HOOK3: variants seen among roughly 807,000 people sequenced by gnomAD.
The protein encoded by HOOK3 is protein Hook homolog 3.
Under a neutral mutation model 116.3 loss-of-function variants are expected in HOOK3, and 24 were observed. That is an observed-to-expected ratio of 0.21 (90% confidence interval 0.15 to 0.29). The LOEUF (loss-of-function observed/expected upper bound fraction) is 0.29, where lower values mean the gene tolerates loss of function less well. Ranked by LOEUF, HOOK3 falls within the 10% of genes least tolerant of loss-of-function variation. The pLI is 1.00. For missense variants in HOOK3, 632 were observed against 830.2 expected, an observed-to-expected ratio of 0.76 and a Z score of 2.93; for synonymous variants, 275 against 283.0, an observed-to-expected ratio of 0.97 and a Z score of 0.28.
chr8:42,934,507 A>G (rs951618137), intron 4 of HOOK3, among the ~76,000 whole-genome samples: 1 of 152,018 alleles, frequency 6.6e-6, no homozygotes. Context: ...CCCATCATCT[A>G]TATTAGGTAT....
intron 8 of HOOK3, among the ~76,000 whole-genome samples, chr8:42,962,670 G>A (rs1247563397): frequency 6.6e-6 from 1 of 151,992 alleles, no homozygotes; most frequent in South Asian, 2.1e-4. Flanking sequence ...CTCCCAAAGT[G>A]CTAGGATTAC....
intron 6 of HOOK3, among the ~76,000 whole-genome samples, chr8:42,955,743 GA>G (rs144107019): frequency 1.3e-3 from 195 of 152,262 alleles, no homozygotes; most frequent in African/African-American, 4.5e-3. Context: ...TCCTGATGTT[GA>G]GGAACAGATA....
At position 42,925,447 on chromosome 8, in the gene HOOK3, A is replaced by G. The variant is rs1008108141; in HGVS notation, c.144-110A>G. Reference sequence around the variant, plus strand: ...GTTATTTCGTGGCTGATATGTGTCAAATACATTTTTATGTTGCAGTTAAGT... The same window carrying G: ...GTTATTTCGTGGCTGATATGTGTCAGATACATTTTTATGTTGCAGTTAAGT... On this transcript the variant is annotated intron_variant, in intron 2 of 21. Coordinates refer to ENST00000307602, the MANE Select transcript of HOOK3 (RefSeq NM_032410.4). The G allele has an allele frequency of 5.6e-6, 4 of 718,838 alleles. No homozygotes were observed. The South Asian group carries it at 7.6e-5, about 14-fold the overall frequency. The allele number at this position is 718,838 out of a possible 1,614,324, so 44.5% of individuals were successfully genotyped here.
At chr8:42,987,267 C>T (rs1366835300) in intron 15 of HOOK3, among the ~76,000 whole-genome samples, 1 of 152,216 alleles carries the variant, frequency 6.6e-6, no homozygotes, top group Admixed American at 6.5e-5. Context: ...GAATCCGTTT[C>T]TCCACTTTTG....
chr8:42,941,460 G>A (rs1002150426), intron 4 of HOOK3, among the ~76,000 whole-genome samples: 2 of 147,236 alleles, frequency 1.4e-5, no homozygotes, highest in Non-Finnish European at 3.0e-5. Context: ...AGAGGTTGCA[G>A]TGAGCCAAGG....
intron 2 of HOOK3, among the ~76,000 whole-genome samples, chr8:42,924,959 G>A (rs1262836826): frequency 6.6e-6 from 1 of 151,748 alleles, no homozygotes; most frequent in African/African-American, 2.4e-5. Context: ...CCTGAGTGAC[G>A]GAGCGAGACT....
chr8:42,927,078 C>T (rs935767674), intron 3 of HOOK3, among the ~76,000 whole-genome samples: 3 of 152,096 alleles, frequency 2.0e-5, no homozygotes, highest in African/African-American at 4.8e-5. Flanking sequence ...TTTAACCATG[C>T]GAGGCCCCTG....
chr8:43,022,103 A>AC lies in HOOK3; in HGVS notation c.*3605_*3606insC, dbSNP rs144528230. ...GCTGTTGTAAAAAAAAAAAAAAAAA[A>AC]AACTTCTGAATATACTTTAGGTATC... On this transcript the variant is annotated 3_prime_UTR_variant, in exon 22 of 22. Coordinates refer to ENST00000307602, the MANE Select transcript of HOOK3 (RefSeq NM_032410.4). The AC allele has an allele frequency of 1.5e-5, 3 of 201,592 alleles. No homozygotes were observed. The highest frequency in any genetic ancestry group is 1.9e-4 in the South Asian group (1 of 5,286). The allele number at this position is 201,592 out of a possible 1,614,324, so 12.5% of individuals were successfully genotyped here.
At chr8:42,982,386 T>C (rs1338875436) in intron 13 of HOOK3, among the ~76,000 whole-genome samples, 10 of 150,220 alleles carry the variant, frequency 6.7e-5, no homozygotes, top group Admixed American at 6.6e-4. Flanking sequence ...GTTTTGAAAA[T>C]AGGTAGTAGT....
Position 42,898,788 on chromosome 8 carries a change from A to T in HOOK3, c.57+1600A>T, listed in dbSNP as rs6999772. 5.3e-3 allele frequency among the ~76,000 whole-genome samples: 813 copies of T among 152,348 alleles called. 13 individuals carry two copies. The highest frequency in any genetic ancestry group is 0.019 in the African/African-American group (774 of 41,578). ...GTTACATCCCGGTAAACCCATCATA[A>T]GTTGAAAATACCGTAAGTTGAAAAT... On this transcript the variant is annotated intron_variant, in intron 1 of 21. Transcript: ENST00000307602.
At chr8:42,931,735 CCTTCCCT>C (rs1385986133) in intron 4 of HOOK3, among the ~76,000 whole-genome samples, 11 of 151,522 alleles carry the variant, frequency 7.3e-5, no homozygotes, top group South Asian at 4.2e-4. Flanking sequence ...CCTTCCCTTC[CCTTCCCT>C]CTTCCCTCTT....
chr8:42,991,618 T>A (rs1464096732), intron 15 of HOOK3, among the ~76,000 whole-genome samples: 1 of 152,128 alleles, frequency 6.6e-6, no homozygotes, highest in East Asian at 1.9e-4. Flanking sequence ...GCTGGGCTGG[T>A]CTCGAACTCC....
At chr8:42,948,685 C>T (rs987351524) in intron 5 of HOOK3, among the ~76,000 whole-genome samples, 2 of 152,186 alleles carry the variant, frequency 1.3e-5, no homozygotes, top group African/African-American at 4.8e-5. Flanking sequence ...TCTCCATAGC[C>T]TTTGAATTCT....
intron 5 of HOOK3, among the ~76,000 whole-genome samples, chr8:42,948,949 CTTAA>C: frequency 6.6e-6 from 1 of 152,182 alleles, no homozygotes; most frequent in Admixed American, 6.6e-5. Flanking sequence ...GCAATACTTC[CTTAA>C]AAACATGTTT....
chr8:42,961,789 T>A (rs1808538160), intron 8 of HOOK3, among the ~76,000 whole-genome samples: 1 of 152,136 alleles, frequency 6.6e-6, no homozygotes, highest in Non-Finnish European at 1.5e-5. Context: ...CATGTTTATG[T>A]TTTGTTTTGT....
intron 6 of HOOK3, among the ~76,000 whole-genome samples, chr8:42,955,623 A>G (rs1388030433): frequency 1.3e-5 from 2 of 152,198 alleles, no homozygotes; most frequent in Non-Finnish European, 2.9e-5. Context: ...CAGGCAGGCA[A>G]AATCAACTGC....
chr8:42,996,924 G>GTTTT (rs1262763525), intron 15 of HOOK3, among the ~76,000 whole-genome samples: 1 of 118,128 alleles, frequency 8.5e-6, no homozygotes, highest in African/African-American at 3.3e-5. Context: ...TTTTTTTTTG[G>GTTTT]GAGGCAGGGT....
intron 18 of HOOK3, 81 bp downstream of exon 18, chr8:43,008,010 A>G: frequency 1.7e-6 from 1 of 600,052 alleles, no homozygotes; most frequent in Non-Finnish European, 2.7e-6. Flanking sequence ...ATAATTTTTA[A>G]TTATTTATTT....
In HOOK3 at chr8:43,013,132, G is replaced by C. The variant is rs1196457948; in HGVS notation, c.1921G>C (p.Asp641His). The C allele has an allele frequency of 6.2e-7, 1 of 1,610,226 alleles. No individual in the cohort carries two copies. Among genetic ancestry groups the C allele is most frequent in the Non-Finnish European group, 8.5e-7 (1 of 1,176,678 alleles). Residue 641 changes from aspartate (D) to histidine (H), a missense_variant, in exon 20 of 22, where the codon GAC (aspartate) becomes CAC (histidine). By Grantham distance (81) the Asp-to-His change is moderately conservative (BLOSUM62 -1). Coordinates refer to ENST00000307602, the MANE Select transcript of HOOK3 (RefSeq NM_032410.4). ...QALKNQLQER[D>H]RLFHSLEKEY... ...TCTTAAAAATCAGCTCCAGGAACGA[G>C]ACCGACTGTTCCACTCATTAGAGGT...
Sources: allele counts gnomAD v4.1 joint callset (sites outside exome capture counted in the v4.1 genomes callset), GRCh38; gene constraint gnomAD v4.1.1; transcripts MANE v1.5; gene names NCBI Gene and HGNC (gene_info 2026-07-23, HGNC 2026-07-21).